Variants in CREBBP observed in about 807,000 individuals in gnomAD.
CREBBP encodes CREB binding lysine acetyltransferase, also known as CREB-binding protein.
Under a neutral mutation model 265.0 loss-of-function variants are expected in CREBBP, and 19 were observed. The ratio of observed to expected loss-of-function variants is 0.07; its 90% CI spans 0.05 to 0.11. The LOEUF (loss-of-function observed/expected upper bound fraction) is 0.11, where lower values mean the gene tolerates loss of function less well. CREBBP is among the 10% of genes least tolerant of loss of function. The pLI, the probability that CREBBP is intolerant of heterozygous loss-of-function variation, is 1.00. For missense variants in CREBBP, 2,525 were observed against 3,219.0 expected (o/e 0.78, Z 5.22); for synonymous variants, 1,457 against 1,223.7 (o/e 1.19, Z -3.98).
chr16:3,754,846 A>G (rs552561988), intron 19 of CREBBP, among the ~76,000 whole-genome samples: 2 of 152,322 alleles, frequency 1.3e-5, no homozygotes, highest in South Asian at 2.1e-4. Context: ...GTTTAGGACT[A>G]CAAGTGCCAA....
intron 26 of CREBBP, among the ~76,000 whole-genome samples, chr16:3,737,967 T>C (rs970942509): frequency 6.6e-6 from 1 of 151,870 alleles, no homozygotes; most frequent in South Asian, 2.1e-4. Flanking sequence ...TTTGTATTTT[T>C]AGTAGAGACA....
chr16:3,737,697 C>T (rs1415904986), intron 26 of CREBBP, among the ~76,000 whole-genome samples: 1 of 151,366 alleles, frequency 6.6e-6, no homozygotes, highest in Non-Finnish European at 1.5e-5. Context: ...CTCCTGATCT[C>T]AGGTGATCCA....
In CREBBP at chr16:3,758,052, A is replaced by T. The variant is rs1331650739; in HGVS notation, c.3370-4T>A. On this transcript the variant is annotated splice_region_variant and splice_polypyrimidine_tract_variant and intron_variant, in intron 17 of 30. Coordinates refer to ENST00000262367, the MANE Select transcript of CREBBP (RefSeq NM_004380.3). ...TCTTTACGATGTCAAAATAGTCCTT[A>T]AAAAAAAAAAAATGGTCTCAGTATA... 4.3e-5 allele frequency: 16 copies of T among 370,862 alleles called. No homozygotes were observed. The highest frequency in any genetic ancestry group is 5.6e-5 in the Non-Finnish European group (14 of 250,684). 23.0% of individuals were successfully genotyped at this position (370,862 alleles called of 1,614,324 possible). A position where few individuals can be genotyped will look rare whatever the true frequency, so the allele number is the denominator to read the frequency against.
intron 23 of CREBBP, chr16:3,741,772 C>T (rs1029989316): frequency 6.6e-6 from 1 of 151,270 alleles, no homozygotes; most frequent in Non-Finnish European, 1.5e-5. Flanking sequence ...AAACCCCCGT[C>T]TCCACTAAGA....
Position 3,770,789 on chromosome 16 carries a change from C to T in CREBBP, c.2661G>A (p.Gln887=), listed in dbSNP as rs2141202078. The part of the protein sequence containing the change: ...MTPPQPAAPT[Q]PSTPVSSSGQ... Reference sequence around the variant, plus strand: ...CGGAAGACGACACAGGAGTTGATGGCTGAGTGGGAGCTGCTGGCTGGGGAG... The same window carrying T: ...CGGAAGACGACACAGGAGTTGATGGTTGAGTGGGAGCTGCTGGCTGGGGAG... The change falls in exon 14 of 31, where the codon CAG becomes CAA. Residue 887 remains glutamine, a synonymous_variant. Transcript: ENST00000262367. 1.2e-6 allele frequency: 2 copies of T among 1,614,036 alleles called. No individual in the cohort carries two copies. Among genetic ancestry groups the T allele is most frequent in the Non-Finnish European group, 1.7e-6 (2 of 1,180,020 alleles).
rs549061599 is a variant in CREBBP, at chr16:3,747,430, G to A, written c.3837-2076C>T. 4.6e-4 allele frequency among the ~76,000 whole-genome samples: 70 copies of A among 152,294 alleles called. 1 individual carries two copies. Among genetic ancestry groups the A allele is most frequent in the African/African-American group, 1.6e-3 (65 of 41,576 alleles). ...GCCTTTGTTTCTAGAATGCTCTGCA[G>A]CTTCAATGTAAATGTCATCTTGTCC... On this transcript the variant is annotated intron_variant, in intron 21 of 30. Transcript: ENST00000262367.
At chr16:3,849,427 GTGTGTGTGTGTGTGTGT>G (rs1567360117) in intron 2 of CREBBP, among the ~76,000 whole-genome samples, 749 of 16,260 alleles carry the variant, frequency 0.046, 33 homozygotes, top group Non-Finnish European at 0.094. Context: ...GTGTGTGTGT[GTGTGTGTGTGTGTGTGT>G]GTGTGTGTGT....
At chr16:3,854,207 A>G (rs1011417124) in intron 1 of CREBBP, among the ~76,000 whole-genome samples, 1 of 152,156 alleles carries the variant, frequency 6.6e-6, no homozygotes. Context: ...AATCTCAGCT[A>G]AGGGAATCTG....
At chr16:3,732,759 A>G (rs997684225) in intron 28 of CREBBP, among the ~76,000 whole-genome samples, 1 of 151,588 alleles carries the variant, frequency 6.6e-6, no homozygotes, top group African/African-American at 2.4e-5. Flanking sequence ...GAAGTGCAAT[A>G]ACGCGATCTC....
In CREBBP at chr16:3,740,742, C is replaced by T; in HGVS notation, c.3983-193G>A. 6 of 709,208 alleles carry T rather than the reference C, an allele frequency of 8.5e-6. No individual in the cohort carries two copies. The South Asian group carries it at 9.9e-5, about 12-fold the overall frequency. 43.9% of individuals were successfully genotyped at this position (709,208 alleles called of 1,614,324 possible). ...AAAGGAAAGGTGGACTCTGGGATCT[C>T]AGGCACTCCACTCCTGAAAACCGTT... On this transcript the variant is annotated intron_variant, in intron 23 of 30. Transcript: ENST00000262367.
At chr16:3,751,111 G>A (rs1257500302) in intron 20 of CREBBP, among the ~76,000 whole-genome samples, 1 of 152,136 alleles carries the variant, frequency 6.6e-6, no homozygotes, top group Non-Finnish European at 1.5e-5. Flanking sequence ...GAACCACTAG[G>A]AAAAAGCAAT....
chr16:3,786,570 C>T (rs2053392166), intron 5 of CREBBP, among the ~76,000 whole-genome samples: 1 of 152,138 alleles, frequency 6.6e-6, no homozygotes, highest in East Asian at 1.9e-4. Flanking sequence ...TGAAGCAGAG[C>T]AGTAGTTGCT....
chr16:3,850,543 G>A lies in CREBBP; in HGVS notation c.552C>T (p.Thr184=), dbSNP rs1384600226. The A allele has an allele frequency of 6.2e-7, 1 of 1,614,222 alleles. No homozygotes were observed. The highest frequency in any genetic ancestry group is 8.5e-7 in the Non-Finnish European group (1 of 1,180,032). Residue 184 remains threonine (T), a synonymous_variant, in exon 2 of 31, where the codon ACC becomes ACT. Transcript: ENST00000262367. The stretch of plus-strand genomic sequence containing the variant: ...AGTTACTATTGAGGAGGCCTGGGTG[G>A]GTCTGGTTAAAGTTAGCATTCATGC... ...GICMNANFNQ[T]HPGLLNSNSG...
chr16:3,793,340 A>C (rs1253095674), intron 4 of CREBBP, 46 bp downstream of exon 4: 1 of 1,612,736 alleles, frequency 6.2e-7, no homozygotes, highest in Non-Finnish European at 8.5e-7. Context: ...ATAAAGGCAA[A>C]TTCTTCCTGA....
intron 3 of CREBBP, among the ~76,000 whole-genome samples, chr16:3,805,291 TAGTG>T (rs1313698833): frequency 2.0e-5 from 3 of 152,208 alleles, no homozygotes; most frequent in Non-Finnish European, 4.4e-5. Context: ...CCAGTTCAAT[TAGTG>T]AGACACAATT....
intron 2 of CREBBP, among the ~76,000 whole-genome samples, chr16:3,835,572 TCTTC>T (rs1241820095): frequency 6.8e-6 from 1 of 148,068 alleles, no homozygotes; most frequent in Non-Finnish European, 1.5e-5. Flanking sequence ...ACAGAAGATT[TCTTC>T]TTTTTTTTTT....
At chr16:3,872,042 G>A (rs1238497342) in intron 1 of CREBBP, among the ~76,000 whole-genome samples, 1 of 152,148 alleles carries the variant, frequency 6.6e-6, no homozygotes, top group African/African-American at 2.4e-5. Context: ...TAATGGAAAT[G>A]AAACACCGGG....
At chr16:3,814,183 G>T (rs1272820972) in intron 2 of CREBBP, among the ~76,000 whole-genome samples, 1 of 149,544 alleles carries the variant, frequency 6.7e-6, no homozygotes, top group East Asian at 1.9e-4. Context: ...GTGTGTGTGT[G>T]TGTGTGTGTG....
intron 19 of CREBBP, 41 bp from the exon 20 acceptor site, chr16:3,751,847 A>G (rs548947603): frequency 1.1e-5 from 18 of 1,595,108 alleles, no homozygotes; most frequent in East Asian, 2.2e-5. Flanking sequence ...CTGGTCCATC[A>G]TAACACACAG....
Sources: gnomAD v4.1 joint callset for allele counts (sites outside exome capture counted in the v4.1 genomes callset) on GRCh38, gnomAD v4.1.1 for gene constraint, MANE v1.5 for transcripts, NCBI Gene and HGNC (gene_info 2026-07-23, HGNC 2026-07-21) for gene names.